Variants in TNRC18 observed in about 807,000 individuals in gnomAD.
TNRC18 encodes trinucleotide repeat-containing gene 18 protein.
Under a neutral mutation model 226.7 loss-of-function variants are expected in TNRC18, and 69 were observed. The observed-to-expected ratio is 0.30, with a 90% CI of 0.25 to 0.37. TNRC18 has a LOEUF of 0.37. Ranked by LOEUF, TNRC18 falls within the 10% of genes least tolerant of loss-of-function variation. The pLI, the probability that TNRC18 is intolerant of heterozygous loss-of-function variation, is 1.00. For missense variants in TNRC18, 4,754 were observed against 4,256.6 expected, an observed-to-expected ratio of 1.12 and a Z score of -3.25; for synonymous variants, 2,449 against 1,927.6, an observed-to-expected ratio of 1.27 and a Z score of -7.09.
At chr7:5,381,406 A>C (rs1779387524) in intron 5 of TNRC18, among the ~76,000 whole-genome samples, 1 of 151,742 alleles carries the variant, frequency 6.6e-6, no homozygotes, top group South Asian at 2.1e-4. Flanking sequence ...GGCCACACAC[A>C]CACCATTCCC....
intron 25 of TNRC18, among the ~76,000 whole-genome samples, chr7:5,315,691 G>C (rs559954114): frequency 1.3e-5 from 2 of 152,350 alleles, no homozygotes; most frequent in South Asian, 2.1e-4. Context: ...CAAAGTGCTA[G>C]GATTACAGGC....
At chr7:5,316,276 T>C (rs796810261) in intron 24 of TNRC18, among the ~76,000 whole-genome samples, 3 of 123,578 alleles carry the variant, frequency 2.4e-5, no homozygotes, top group African/African-American at 1.2e-4. Flanking sequence ...AAATGGGTCT[T>C]TTTTTTTTTT....
chr7:5,389,186 C>A lies in TNRC18; in HGVS notation c.638G>T (p.Gly213Val). The part of the protein sequence containing the change: ...DGPAKERAGR[G>V]GEPPPLFGKK... ...GCCGAAAAGCGGAGGCGGCTCCCCG[C>A]CGCGGCCCGCCCGCTCCTTGGCTGG... is the stretch of plus-strand genomic sequence containing the variant. The change falls in exon 5 of 30, where the codon GGC becomes GTC. Residue 213 changes from glycine (G) to valine (V), a missense_variant. Physicochemically the swap from Gly to Val is moderately radical, Grantham distance 109. Coordinates refer to ENST00000430969, the MANE Select transcript of TNRC18 (RefSeq NM_001080495.3). 2 of 1,318,450 alleles carry A rather than the reference C, an allele frequency of 1.5e-6. No individual in the cohort carries two copies. Among genetic ancestry groups the A allele is most frequent in the South Asian group, 1.8e-5 (1 of 55,836 alleles). The allele number at this position is 1,318,450 out of a possible 1,614,324, so 81.7% of individuals were successfully genotyped here.
rs1786957829 is a variant in TNRC18, at chr7:5,309,426, C to G, written c.8389-58G>C. The G allele has an allele frequency of 2.0e-6, 3 of 1,477,614 alleles. No individual in the cohort carries two copies. The highest frequency in any genetic ancestry group is 2.8e-6 in the Non-Finnish European group (3 of 1,090,146). 91.5% of individuals were successfully genotyped at this position (1,477,614 alleles called of 1,614,324 possible). ...TGGCCCAGCCCCAAGGAGCCCGCCG[C>G]CTGGCAGGCTCTGCCGCTTGGGACT... On this transcript the variant is annotated intron_variant, in intron 27 of 29. Coordinates refer to ENST00000430969, the MANE Select transcript of TNRC18 (RefSeq NM_001080495.3). This position sits in a 1 kb window ranked among gnomAD's most constrained non-coding sequence, Gnocchi z 5.7.
At chr7:5,378,924 C>T (rs1028765497) in intron 5 of TNRC18, among the ~76,000 whole-genome samples, 2 of 149,928 alleles carry the variant, frequency 1.3e-5, no homozygotes, top group Non-Finnish European at 3.0e-5. Context: ...GTGGCTCACA[C>T]CTGTAATCCC....
At chr7:5,319,910 C>A (rs1788180253) in intron 24 of TNRC18, among the ~76,000 whole-genome samples, 1 of 152,198 alleles carries the variant, frequency 6.6e-6, no homozygotes. Context: ...CACTCCTTAG[C>A]CCCAGGGATG....
intron 2 of TNRC18, among the ~76,000 whole-genome samples, chr7:5,398,419 C>T (rs2128206580): frequency 6.6e-6 from 1 of 152,350 alleles, no homozygotes; most frequent in Middle Eastern, 3.4e-3. Flanking sequence ...ATCCACCCGC[C>T]TCATCCTCCC....
chr7:5,418,822 A>C (rs930482281), intron 2 of TNRC18, among the ~76,000 whole-genome samples: 17 of 152,180 alleles, frequency 1.1e-4, no homozygotes, highest in African/African-American at 4.1e-4. Flanking sequence ...CCCAGCCCCA[A>C]GCAGAGAGTG....
At chr7:5,403,858 T>A (rs1164377374) in intron 2 of TNRC18, among the ~76,000 whole-genome samples, 3 of 151,058 alleles carry the variant, frequency 2.0e-5, no homozygotes, top group Non-Finnish European at 2.9e-5. Context: ...ATAGACTCAG[T>A]CAAACCAGAA....
At position 5,397,057 on chromosome 7, in the gene TNRC18, C is replaced by T. The variant is rs973750596; in HGVS notation, c.188-2462G>A. Among the ~76,000 whole-genome samples, 4 of 152,118 alleles carry T rather than the reference C, an allele frequency of 2.6e-5. No individual in the cohort carries two copies. The East Asian group carries it at 5.8e-4, about 22-fold the overall frequency. On this transcript the variant is annotated intron_variant, in intron 2 of 29. Transcript: ENST00000430969. The stretch of plus-strand genomic sequence containing the variant: ...CAGCAAGGGGTGCCCTCGGGCCACA[C>T]GCCATCACCACCACCCCGTGTCCGG...
Position 5,357,117 on chromosome 7 carries a change from A to T in TNRC18, c.4993T>A (p.Tyr1665Asn). The T allele has an allele frequency of 1.3e-6, 2 of 1,553,660 alleles. No individual in the cohort carries two copies. Among genetic ancestry groups the T allele is most frequent in the South Asian group, 1.2e-5 (1 of 84,178 alleles). ...AGCAGGCTGTCGTAAGGAGTCAAGT[A>T]CCTGCCGCAGCCCCCGCTAGTTTTC... ...KSKTSGGCGR[Y>N]LTPYDSLLGK... The change falls in exon 16 of 30, where the codon TAC becomes AAC. Residue 1665 changes from tyrosine to asparagine, a missense_variant. Transcript: ENST00000430969.
At chr7:5,402,909 G>A (rs2128210809) in intron 2 of TNRC18, among the ~76,000 whole-genome samples, 1 of 151,926 alleles carries the variant, frequency 6.6e-6, no homozygotes, top group South Asian at 2.1e-4. Flanking sequence ...TGATTAGCTG[G>A]AGGAAGGGTG....
chr7:5,388,016 C>T lies in TNRC18; in HGVS notation c.1808G>A (p.Arg603His), dbSNP rs747506997. Residue 603 changes from arginine to histidine, a missense_variant, in exon 5 of 30, where the codon CGC becomes CAC. Transcript: ENST00000430969. ...GCTCTTCTTGCCACAGCCACCAGGG[C>T]GCACGGCCACGGCGTCCCGGGCAAA... is the stretch of plus-strand genomic sequence containing the variant. ...GSFARDAVAV[R>H]PGGCGKKSPF... is the part of the protein sequence containing the mutation. The T allele has an allele frequency of 4.3e-5, 67 of 1,576,310 alleles. 2 individuals are homozygous for T. The South Asian group carries it at 5.7e-4, about 13-fold the overall frequency.
Position 5,324,461 on chromosome 7 carries a change from A to T in TNRC18, c.6301-106T>A, listed in dbSNP as rs1562493243. 13 of 1,457,990 alleles carry T rather than the reference A, an allele frequency of 8.9e-6. No homozygotes were observed. Among genetic ancestry groups the T allele is most frequent in the Admixed American group, 5.6e-5 (3 of 53,964 alleles). The allele number at this position is 1,457,990 out of a possible 1,614,324, so 90.3% of individuals were successfully genotyped here. On this transcript the variant is annotated intron_variant, in intron 20 of 29. Coordinates refer to ENST00000430969, the MANE Select transcript of TNRC18 (RefSeq NM_001080495.3). This position sits in a 1 kb window ranked among gnomAD's most constrained non-coding sequence, Gnocchi z 4.8. ...GGAGCCACAGTCAGGCCGCAGGGGG[A>T]ATCTGTCATGTGCATGGCAGGGATC...
chr7:5,409,081 TC>T (rs1246766463), intron 2 of TNRC18, among the ~76,000 whole-genome samples: 2 of 152,148 alleles, frequency 1.3e-5, no homozygotes, highest in Non-Finnish European at 2.9e-5. Flanking sequence ...CAAGGAAAGA[TC>T]TTTTTACAGA....
chr7:5,418,899 G>C (rs1232258996), intron 2 of TNRC18, among the ~76,000 whole-genome samples: 1 of 152,206 alleles, frequency 6.6e-6, no homozygotes, highest in Admixed American at 6.5e-5. Flanking sequence ...CGTTGGCCTG[G>C]GGTCCGAGGT....
rs1474305625 is a variant in TNRC18, at chr7:5,332,696, G to C, written c.6073C>G (p.Arg2025Gly). ...VSTAPATKTS[R>G]CAKGGPLSPR... Reference sequence around the variant, plus strand: ...CTCAGGGGGCCGCCCTTGGCGCAGCGGCTGGTCTTGGTGGCGGGCGCGGTG... The same window carrying C: ...CTCAGGGGGCCGCCCTTGGCGCAGCCGCTGGTCTTGGTGGCGGGCGCGGTG... Residue 2025 changes from arginine (R) to glycine (G), a missense_variant, in exon 19 of 30, where the codon CGC becomes GGC. Arg to Gly is a moderately radical substitution (Grantham distance 125). Coordinates refer to ENST00000430969, the MANE Select transcript of TNRC18 (RefSeq NM_001080495.3). The C allele has an allele frequency of 2.4e-5, 37 of 1,530,860 alleles. No individual in the cohort carries two copies. Among genetic ancestry groups the C allele is most frequent in the Non-Finnish European group, 3.0e-5 (34 of 1,142,220 alleles). The allele number at this position is 1,530,860 out of a possible 1,614,324, so 94.8% of individuals were successfully genotyped here.
chr7:5,360,869 C>A (rs1296158375), intron 14 of TNRC18, among the ~76,000 whole-genome samples: 5 of 152,196 alleles, frequency 3.3e-5, no homozygotes, highest in African/African-American at 1.2e-4. Flanking sequence ...CTCCTGTGCC[C>A]TCCGAAGGTC....
At chr7:5,367,848 C>T (rs113469932) in intron 11 of TNRC18, among the ~76,000 whole-genome samples, 161 of 151,972 alleles carry the variant, frequency 1.1e-3, no homozygotes, top group Non-Finnish European at 2.0e-3. Flanking sequence ...GGGAGGGGGG[C>T]GTTGCTCACA....
Sources: gnomAD v4.1 joint callset for allele counts (sites outside exome capture counted in the v4.1 genomes callset) on GRCh38, gnomAD v4.1.1 for gene constraint, Gnocchi (gnomAD v3.1) non-coding constraint, MANE v1.5 for transcripts, NCBI Gene and HGNC (gene_info 2026-07-23, HGNC 2026-07-21) for gene names.